The following OR51B5 variants were observed in gnomAD, a reference collection of about 807,000 sequenced individuals.
OR51B5 encodes the protein olfactory receptor 51B5.
For missense variants in OR51B5, 456 were observed against 374.6 expected, an observed-to-expected ratio of 1.22 and a Z score of -1.79; for synonymous variants, 186 against 144.8, an observed-to-expected ratio of 1.28 and a Z score of -2.04.
intron 1 of OR51B5, among the ~76,000 whole-genome samples, chr11:5,350,920 A>G (rs942166562): frequency 1.3e-5 from 2 of 152,188 alleles, no homozygotes; most frequent in Non-Finnish European, 2.9e-5. Context: ...CTCCAGGAAT[A>G]TTGAAGAAAA....
At chr11:5,430,481 G>C (rs1271139567) in intron 1 of OR51B5, among the ~76,000 whole-genome samples, 1 of 152,200 alleles carries the variant, frequency 6.6e-6, no homozygotes, top group Non-Finnish European at 1.5e-5. Context: ...AATAAAATGT[G>C]AGATGGAAAG....
chr11:5,412,519 G>A (rs1440152805), intron 1 of OR51B5, among the ~76,000 whole-genome samples: 6 of 152,336 alleles, frequency 3.9e-5, no homozygotes, highest in African/African-American at 7.2e-5. Context: ...CAAGGGGTCA[G>A]GGAGTTCCCT....
In OR51B5 at chr11:5,343,368, G is replaced by GATTGTGATCTTCCTTA; in HGVS notation, c.141_156dup (p.Leu53Ter). Reference sequence around the variant, plus strand: ...AGAAAGAAGTACATGGGCTCATGAAGATTGTGATCTTCCTTAATGAGAAGA... The same window carrying GATTGTGATCTTCCTTA: ...AGAAAGAAGTACATGGGCTCATGAAGATTGTGATCTTCCTTAATTGTGATCTTCCTTAATGAGAAGA... On this transcript the variant is annotated stop_gained and frameshift_variant, in exon 1 of 1. Coordinates refer to ENST00000300773, the Ensembl canonical transcript of OR51B5. LOFTEE classifies it low-confidence loss of function (END_TRUNC). 4 of 1,613,782 alleles carry GATTGTGATCTTCCTTA rather than the reference G, an allele frequency of 2.5e-6. No individual in the cohort carries two copies. Among genetic ancestry groups the GATTGTGATCTTCCTTA allele is most frequent in the Non-Finnish European group, 3.4e-6 (4 of 1,179,834 alleles).
At chr11:5,403,022 C>T in intron 1 of OR51B5, 1 of 471,566 alleles carries the variant, frequency 2.1e-6, no homozygotes, top group South Asian at 1.5e-5. Context: ...CTGACACTGC[C>T]CAGGGTCTTT....
At chr11:5,416,251 A>C (rs1329603203) in intron 1 of OR51B5, among the ~76,000 whole-genome samples, 3 of 137,562 alleles carry the variant, frequency 2.2e-5, no homozygotes, top group Non-Finnish European at 4.8e-5. Flanking sequence ...AACTCTCAAT[A>C]AATTCGGTAT....
At position 5,427,215 on chromosome 11, in the gene OR51B5, C is replaced by T. The variant is rs183697676; in HGVS notation, n.84+78354G>A. Among the ~76,000 whole-genome samples, 21 of 152,334 alleles carry T rather than the reference C, an allele frequency of 1.4e-4. No homozygotes were observed. The East Asian group carries it at 3.1e-3, about 22-fold the overall frequency. On this transcript the variant is annotated intron_variant and non_coding_transcript_variant, in intron 1 of 4. Coordinates refer to the OR51B5 transcript ENST00000415970. ...TTTGAGTTTCATATTTTATGTGGCT[C>T]CCACGCATATGCACATTAATAAATT...
In OR51B5 at chr11:5,452,582, G is replaced by A. The variant is rs1299530067; in HGVS notation, n.84+52987C>T. ...GTTTGAATATATTTGCACAACAAGAGCGACTTTACGAGATATGGAGATATG... is the reference window on the plus strand; with the variant it reads ...GTTTGAATATATTTGCACAACAAGAACGACTTTACGAGATATGGAGATATG... On this transcript the variant is annotated intron_variant and non_coding_transcript_variant, in intron 1 of 4. Coordinates refer to the OR51B5 transcript ENST00000415970. 2.2e-4 allele frequency among the ~76,000 whole-genome samples: 21 copies of A among 96,928 alleles called. 1 individual carries two copies. The highest frequency in any genetic ancestry group is 6.7e-5 in the Non-Finnish European group (3 of 45,112). 63.6% of individuals were successfully genotyped at this position (96,928 alleles called of 152,430 possible).
intron 1 of OR51B5, among the ~76,000 whole-genome samples, chr11:5,414,353 A>G (rs1444269873): frequency 2.8e-5 from 4 of 141,476 alleles, no homozygotes; most frequent in East Asian, 4.1e-4. Context: ...GACCATTCAG[A>G]CTAGGAAGAA....
At chr11:5,424,121 T>A (rs960648066) in intron 1 of OR51B5, among the ~76,000 whole-genome samples, 1 of 152,206 alleles carries the variant, frequency 6.6e-6, no homozygotes, top group South Asian at 2.1e-4. Flanking sequence ...TCACAGCTTC[T>A]GATTGCTGGA....
chr11:5,378,727 G>T (rs1463999371), intron 1 of OR51B5, among the ~76,000 whole-genome samples: 1 of 152,024 alleles, frequency 6.6e-6, no homozygotes, highest in African/African-American at 2.4e-5. Context: ...ATCATCACTG[G>T]CCATCAGAGA....
chr11:5,470,889 A>G (rs1274617604), intron 1 of OR51B5, among the ~76,000 whole-genome samples: 1 of 152,194 alleles, frequency 6.6e-6, no homozygotes, highest in Non-Finnish European at 1.5e-5. Flanking sequence ...TGTCTAATTC[A>G]TTCGACACAA....
intron 1 of OR51B5, among the ~76,000 whole-genome samples, chr11:5,481,556 A>G (rs1851420535): frequency 6.7e-6 from 1 of 150,314 alleles, no homozygotes; most frequent in African/African-American, 2.5e-5. Context: ...GCAGGAAAAG[A>G]GGAAGTCAAA....
rs553475073 is a variant in OR51B5 at position 5,460,516 on chromosome 11, T to G, written n.84+45053A>C. Among the ~76,000 whole-genome samples, 5 of 152,348 alleles carry G rather than the reference T, an allele frequency of 3.3e-5. No homozygotes were observed. The South Asian group carries it at 1.0e-3, about 32-fold the overall frequency. Reference sequence around the variant, plus strand: ...TTTACTGCTTTCCTTGAACTGTGTTTCAACCTTCTTCAGTATCTCATTGAG... The same window carrying G: ...TTTACTGCTTTCCTTGAACTGTGTTGCAACCTTCTTCAGTATCTCATTGAG... On this transcript the variant is annotated intron_variant and non_coding_transcript_variant, in intron 1 of 4. Coordinates refer to the OR51B5 transcript ENST00000415970.
At chr11:5,472,539 T>C (rs1331054665) in intron 1 of OR51B5, among the ~76,000 whole-genome samples, 2 of 152,190 alleles carry the variant, frequency 1.3e-5, no homozygotes, top group East Asian at 3.9e-4. Flanking sequence ...CAGAGTCCCC[T>C]GGTTCTGCTA....
intron 1 of OR51B5, among the ~76,000 whole-genome samples, chr11:5,374,631 T>C (rs1188426940): frequency 1.3e-5 from 2 of 152,072 alleles, no homozygotes; most frequent in African/African-American, 4.8e-5. Context: ...TACAGAGAAG[T>C]GCTTAAAGGA....
At chr11:5,458,914 C>T (rs1221410057) in intron 1 of OR51B5, among the ~76,000 whole-genome samples, 3 of 152,198 alleles carry the variant, frequency 2.0e-5, no homozygotes, top group Non-Finnish European at 4.4e-5. Context: ...GATAGTTTAA[C>T]TTCCTCTCTG....
At chr11:5,402,815 G>C (rs764299035) in intron 1 of OR51B5, 1 of 471,630 alleles carries the variant, frequency 2.1e-6, no homozygotes, top group South Asian at 1.5e-5. Context: ...CACTGGCCGA[G>C]GTTCGTGTCT....
intron 1 of OR51B5, among the ~76,000 whole-genome samples, chr11:5,375,981 T>C (rs1312097508): frequency 6.6e-6 from 1 of 151,732 alleles, no homozygotes; most frequent in Non-Finnish European, 1.5e-5. Flanking sequence ...TCTACAGAAC[T>C]CTCCACCCCA....
In OR51B5 at chr11:5,429,381, C is replaced by G. The variant is rs180913574; in HGVS notation, n.84+76188G>C. Among the ~76,000 whole-genome samples the G allele has an allele frequency of 1.7e-3, 264 of 152,266 alleles. 1 individual carries two copies. Among genetic ancestry groups the G allele is most frequent in the African/African-American group, 6.0e-3 (248 of 41,546 alleles). The stretch of plus-strand genomic sequence containing the variant: ...CACACTAAGTATTTCAAAAAAGTCA[C>G]AGACAACCTTACAAAGACAACCCTT... On this transcript the variant is annotated intron_variant and non_coding_transcript_variant, in intron 1 of 4. Coordinates refer to the OR51B5 transcript ENST00000415970.
Sources: gnomAD v4.1 joint callset for allele counts (sites outside exome capture counted in the v4.1 genomes callset) on GRCh38, gnomAD v4.1.1 for gene constraint, MANE v1.5 for transcripts, NCBI Gene and HGNC (gene_info 2026-07-23, HGNC 2026-07-21) for gene names.